Variants in PPP2R2C observed in about 807,000 individuals in gnomAD.
The protein encoded by PPP2R2C is protein phosphatase 2, regulatory subunit B, gamma.
In PPP2R2C, 10 loss-of-function variants were observed where a neutral mutation model predicts 45.3. The ratio of observed to expected loss-of-function variants is 0.22; its 90% CI spans 0.14 to 0.37. The LOEUF is 0.37. PPP2R2C is among the 10% of genes least tolerant of loss of function. The pLI is 1.00. For synonymous variants in PPP2R2C, 257 were observed against 245.4 expected, an observed-to-expected ratio of 1.05 and a Z score of -0.44; for missense variants, 308 against 619.7, an observed-to-expected ratio of 0.50 and a Z score of 5.34.
At chr4:6,457,829 A>C (rs1224443844) in intron 1 of PPP2R2C, among the ~76,000 whole-genome samples, 1 of 152,210 alleles carries the variant, frequency 6.6e-6, no homozygotes, top group Non-Finnish European at 1.5e-5. Flanking sequence ...ATACCTTACG[A>C]TACCAAAAAA....
chr4:6,472,832 G>A (rs1198046647), upstream of PPP2R2C, among the ~76,000 whole-genome samples: 2 of 152,044 alleles, frequency 1.3e-5, no homozygotes, highest in African/African-American at 4.8e-5. Context: ...AGCTGAGCTT[G>A]GGGGGAGGGT....
At chr4:6,346,436 A>G (rs898642863) in intron 6 of PPP2R2C, among the ~76,000 whole-genome samples, 26 of 150,664 alleles carry the variant, frequency 1.7e-4, no homozygotes, top group Admixed American at 1.3e-3. Context: ...GCCCTCCCTG[A>G]CCCCCTCTGT....
chr4:6,410,857 ATTTAT>A (rs997164616), intron 1 of PPP2R2C, among the ~76,000 whole-genome samples: 1 of 146,164 alleles, frequency 6.8e-6, no homozygotes, highest in African/African-American at 2.6e-5. Flanking sequence ...TTATTTATTT[ATTTAT>A]TTATTTATTT....
At chr4:6,426,523 T>C (rs1719342367) in intron 1 of PPP2R2C, among the ~76,000 whole-genome samples, 1 of 152,182 alleles carries the variant, frequency 6.6e-6, no homozygotes, top group East Asian at 1.9e-4. Flanking sequence ...CAGGGAAATG[T>C]GTAATCACTG....
chr4:6,346,252 C>G (rs1711909360), intron 6 of PPP2R2C, among the ~76,000 whole-genome samples: 1 of 152,184 alleles, frequency 6.6e-6, no homozygotes, highest in Non-Finnish European at 1.5e-5. Context: ...TCGTGACAAC[C>G]CACAGCTTCT....
intron 2 of PPP2R2C, among the ~76,000 whole-genome samples, chr4:6,518,922 T>TAAAAAAAAAAAA (rs56002128): frequency 6.5e-4 from 60 of 92,906 alleles, no homozygotes; most frequent in Non-Finnish European, 9.5e-4. Flanking sequence ...GACTCTGTCT[T>TAAAAAAAAAAAA]AAAAAAAAAA....
chr4:6,437,698 G>A (rs1454472160), intron 1 of PPP2R2C, among the ~76,000 whole-genome samples: 1 of 152,212 alleles, frequency 6.6e-6, no homozygotes, highest in Non-Finnish European at 1.5e-5. Context: ...CCAACAGTAT[G>A]CAGTTATTGT....
chr4:6,380,957 C>A, intron 2 of PPP2R2C, 40 bp downstream of exon 2: 1 of 1,471,704 alleles, frequency 6.8e-7, no homozygotes. Flanking sequence ...GACTCTGCTC[C>A]CCACCCCTCC....
At position 6,323,674 on chromosome 4, in the gene PPP2R2C, G is replaced by A. The variant is rs370807753; in HGVS notation, c.1053-81C>T. 6.8e-5 allele frequency: 93 copies of A among 1,371,714 alleles called. No individual in the cohort carries two copies. In the South Asian group the frequency reaches 1.0e-3, roughly 15 times the overall value. 85.0% of individuals were successfully genotyped at this position (1,371,714 alleles called of 1,614,324 possible). A position where few individuals can be genotyped will look rare whatever the true frequency, so the allele number is the denominator to read the frequency against. The stretch of plus-strand genomic sequence containing the variant: ...AATAAGCCCAGGTGTGGGGGCTCAC[G>A]CCCATAATCCCAGGACTTTGGGAGG... On this transcript the variant is annotated intron_variant, in intron 8 of 8. Transcript: ENST00000382599.
chr4:6,360,605 G>A (rs574816353), intron 5 of PPP2R2C, among the ~76,000 whole-genome samples: 6 of 152,320 alleles, frequency 3.9e-5, no homozygotes, highest in East Asian at 3.9e-4. Context: ...CAGGGACGCC[G>A]GATGCGGAGG....
intron 1 of PPP2R2C, among the ~76,000 whole-genome samples, chr4:6,412,786 T>C (rs1422606017): frequency 6.6e-6 from 1 of 152,096 alleles, no homozygotes; most frequent in Non-Finnish European, 1.5e-5. Flanking sequence ...TGGGAGGTCA[T>C]GAGGTCATGA....
At position 6,466,992 on chromosome 4, in the gene PPP2R2C, C is replaced by T. The variant is rs114629068; in HGVS notation, c.70+5168G>A. Among the ~76,000 whole-genome samples, 209 of 152,228 alleles carry T rather than the reference C, an allele frequency of 1.4e-3. 2 individuals are homozygous for T. The highest frequency in any genetic ancestry group is 4.8e-3 in the African/African-American group (200 of 41,530). ...GTGTAGAACTTCAGAGTCCACATGC[C>T]CTTGGCTCCTTACAGCCTCATGACA... On this transcript the variant is annotated intron_variant, in intron 1 of 8. Transcript: ENST00000382599.
chr4:6,486,231 G>A lies in PPP2R2C; in HGVS notation c.49+49040C>T, dbSNP rs572900443. On this transcript the variant is annotated intron_variant, in intron 2 of 9. Coordinates refer to the PPP2R2C transcript ENST00000506140. ...CTGATTTCTAATTTAATTCTATTAT[G>A]ACAGAACATACTTTTTGTGACTTGA... Among the ~76,000 whole-genome samples the A allele has an allele frequency of 2.6e-5, 4 of 152,040 alleles. No individual in the cohort carries two copies. In the East Asian group the frequency reaches 7.7e-4, roughly 29 times the overall value.
chr4:6,556,201 G>A (rs113627545), intron 1 of PPP2R2C, among the ~76,000 whole-genome samples: 1 of 152,130 alleles, frequency 6.6e-6, no homozygotes, highest in African/African-American at 2.4e-5. Context: ...TGTCTGTGAG[G>A]GTGTTTCCAG....
At chr4:6,367,463 G>T (rs1396793439) in intron 5 of PPP2R2C, among the ~76,000 whole-genome samples, 1 of 152,032 alleles carries the variant, frequency 6.6e-6, no homozygotes, top group Non-Finnish European at 1.5e-5. Flanking sequence ...TCCTGACCCT[G>T]GGTTTTTCTT....
intron 5 of PPP2R2C, chr4:6,349,160 C>A (rs1712296522): frequency 1.0e-6 from 1 of 985,310 alleles, no homozygotes; most frequent in South Asian, 4.7e-5. Context: ...GACAGAAAGG[C>A]CCTCTCCCCT....
intron 1 of PPP2R2C, among the ~76,000 whole-genome samples, chr4:6,457,038 G>T (rs976835347): frequency 6.6e-6 from 1 of 151,888 alleles, no homozygotes; most frequent in African/African-American, 2.4e-5. Flanking sequence ...TTGAAATTCC[G>T]TCTCTACTAA....
chr4:6,556,359 T>C (rs997454735), intron 1 of PPP2R2C, among the ~76,000 whole-genome samples: 1 of 152,116 alleles, frequency 6.6e-6, no homozygotes, highest in Non-Finnish European at 1.5e-5. Context: ...ACATCAGTCT[T>C]CTCCTGCCCT....
At chr4:6,355,993 G>GGAAAAAAA (rs1713144168) in intron 5 of PPP2R2C, among the ~76,000 whole-genome samples, 2 of 97,904 alleles carry the variant, frequency 2.0e-5, no homozygotes, top group Admixed American at 1.3e-4. Flanking sequence ...ACTCTGCCTG[G>GGAAAAAAA]AAAAAAAAAA....
Sources: allele counts gnomAD v4.1 joint callset (sites outside exome capture counted in the v4.1 genomes callset), GRCh38; gene constraint gnomAD v4.1.1; transcripts MANE v1.5; gene names NCBI Gene and HGNC (gene_info 2026-07-23, HGNC 2026-07-21).